Variants in CCDC138 observed in about 807,000 individuals in gnomAD.
CCDC138 encodes the protein coiled-coil domain-containing protein 138.
CCDC138 carries 66 observed loss-of-function variants against 82.3 expected under a neutral mutation model. The ratio of observed to expected loss-of-function variants is 0.80; its 90% CI spans 0.66 to 0.98. The LOEUF (loss-of-function observed/expected upper bound fraction) is 0.98. CCDC138 is among the 50% of genes least tolerant of loss of function. CCDC138 has a pLI of 0.00. For synonymous variants in CCDC138, 297 were observed against 265.4 expected (o/e 1.12, Z -1.16); for missense variants, 816 against 758.9 (o/e 1.08, Z -0.88).
At chr2:108,847,379 G>A (rs536949914) in intron 12 of CCDC138, among the ~76,000 whole-genome samples, 13 of 152,136 alleles carry the variant, frequency 8.5e-5, no homozygotes, top group African/African-American at 2.7e-4. Flanking sequence ...TTGAGTAGTT[G>A]GCAGCAGAGA....
intron 11 of CCDC138, among the ~76,000 whole-genome samples, chr2:108,844,748 A>AT (rs558837577): frequency 0.021 from 2,847 of 136,712 alleles, 43 homozygotes; most frequent in Middle Eastern, 0.035. Context: ...TACTATCCAC[A>AT]TTTTTTTTTT....
chr2:108,831,104 G>C (rs1687512626), intron 10 of CCDC138, among the ~76,000 whole-genome samples: 1 of 151,980 alleles, frequency 6.6e-6, no homozygotes, highest in Non-Finnish European at 1.5e-5. Flanking sequence ...AAACCCCGGA[G>C]GCAGAAGTTT....
In CCDC138 at chr2:108,786,884, G is replaced by C. The variant is rs1347587683; in HGVS notation, c.62G>C (p.Arg21Pro). ...QDLVVESLKSRYGLGGSCPDE... is the reference protein window; with the variant it reads ...QDLVVESLKSPYGLGGSCPDE... The stretch of plus-strand genomic sequence containing the variant: ...TTAGTAGTGGAGAGTCTCAAAAGCC[G>C]CTACGGACTCGGGGGCAGCTGCCCC... The change falls in exon 1 of 15, where the codon CGC becomes CCC. Residue 21 changes from arginine (R) to proline (P), a missense_variant. Coordinates refer to ENST00000295124, the MANE Select transcript of CCDC138 (RefSeq NM_144978.3). 1.9e-6 allele frequency: 3 copies of C among 1,567,712 alleles called. No homozygotes were observed. The highest frequency in any genetic ancestry group is 2.6e-6 in the Non-Finnish European group (3 of 1,159,826).
intron 12 of CCDC138, among the ~76,000 whole-genome samples, chr2:108,850,655 G>A (rs890069842): frequency 6.6e-6 from 1 of 152,058 alleles, no homozygotes; most frequent in East Asian, 1.9e-4. Context: ...GTTTCACCAT[G>A]TTCGCCAGGC....
At chr2:108,827,958 GGTA>G in intron 10 of CCDC138, among the ~76,000 whole-genome samples, 1 of 152,116 alleles carries the variant, frequency 6.6e-6, no homozygotes, top group East Asian at 1.9e-4. Context: ...AGAACATTGT[GGTA>G]GTAGTATAGG....
chr2:108,856,943 A>G lies in CCDC138; in HGVS notation c.1666A>G (p.Ser556Gly). The G allele has an allele frequency of 1.9e-6, 3 of 1,605,080 alleles. No individual in the cohort carries two copies. Among genetic ancestry groups the G allele is most frequent in the Non-Finnish European group, 2.6e-6 (3 of 1,176,262 alleles). Reference protein sequence around the residue: ...SKGLLSNVIDSLLQMTVESKS... With the variant: ...SKGLLSNVIDGLLQMTVESKS... ...AGGACTCCTGTCTAATGTTATTGAT[A>G]GTTTGCTCCAGATGACGGTGGAATC... The change falls in exon 13 of 15, where the codon AGT (serine) becomes GGT (glycine). Residue 556 changes from serine (S) to glycine (G), a missense_variant. Coordinates refer to ENST00000295124, the MANE Select transcript of CCDC138 (RefSeq NM_144978.3).
intron 13 of CCDC138, among the ~76,000 whole-genome samples, chr2:108,872,178 C>G (rs956720972): frequency 2.6e-5 from 4 of 152,136 alleles, no homozygotes; most frequent in African/African-American, 9.7e-5. Flanking sequence ...TCATTGTTGC[C>G]TCGGAGAATT....
At chr2:108,814,930 C>G (rs1684502225) in intron 9 of CCDC138, among the ~76,000 whole-genome samples, 1 of 152,042 alleles carries the variant, frequency 6.6e-6, no homozygotes, top group Admixed American at 6.5e-5. Flanking sequence ...GCCACCACAT[C>G]TGGCCTGCAG....
downstream of CCDC138, among the ~76,000 whole-genome samples, chr2:108,880,997 A>G (rs971694141): frequency 1.4e-4 from 22 of 152,262 alleles, no homozygotes; most frequent in African/African-American, 4.8e-4. Flanking sequence ...GTTGATTCCA[A>G]TACTCACGAA....
At position 108,794,567 on chromosome 2, in the gene CCDC138, C is replaced by T. The variant is rs767526878; in HGVS notation, c.422C>T (p.Ser141Leu). Residue 141 changes from serine to leucine, a missense_variant, in exon 5 of 15, where the codon TCG becomes TTG. Transcript: ENST00000295124. ...GCCTTGCCAACTAATACGACCTCAT[C>T]GAGACCTCGGACTGAGTGTTGTAGT... is the stretch of plus-strand genomic sequence containing the variant. Reference protein sequence around the residue: ...KVALPTNTTSSRPRTECCSDA... With the variant: ...KVALPTNTTSLRPRTECCSDA... 1.1e-5 allele frequency: 17 copies of T among 1,612,294 alleles called. No homozygotes were observed. Among genetic ancestry groups the T allele is most frequent in the South Asian group, 3.3e-5 (3 of 90,802 alleles).
rs756336737 is a variant in CCDC138, at chr2:108,835,261, A to T, written c.1207-3924A>T. Among the ~76,000 whole-genome samples, 96 of 152,246 alleles carry T rather than the reference A, an allele frequency of 6.3e-4. 1 individual carries two copies. Among genetic ancestry groups the T allele is most frequent in the Non-Finnish European group, 1.3e-4 (9 of 68,040 alleles). On this transcript the variant is annotated intron_variant, in intron 10 of 14. Coordinates refer to ENST00000295124, the MANE Select transcript of CCDC138 (RefSeq NM_144978.3). Reference sequence around the variant, plus strand: ...AATTTCAGGTTGACTCTAGTAAGAAAAATGAACAATGTGCAGCAAAAGGTA... The same window carrying T: ...AATTTCAGGTTGACTCTAGTAAGAATAATGAACAATGTGCAGCAAAAGGTA...
intron 13 of CCDC138, among the ~76,000 whole-genome samples, chr2:108,863,824 A>C (rs1477775194): frequency 6.6e-6 from 1 of 152,242 alleles, no homozygotes. Flanking sequence ...ACAGGGACCT[A>C]ATGAACTAAC....
intron 12 of CCDC138, among the ~76,000 whole-genome samples, chr2:108,849,648 A>T (rs2150710070): frequency 6.6e-6 from 1 of 152,262 alleles, no homozygotes; most frequent in East Asian, 1.9e-4. Context: ...CAGGCTCCTC[A>T]GCCTGGTGGC....
At chr2:108,834,023 G>T (rs1191335967) in intron 10 of CCDC138, among the ~76,000 whole-genome samples, 2 of 148,630 alleles carry the variant, frequency 1.3e-5, no homozygotes, top group Admixed American at 6.8e-5. Flanking sequence ...TGGGATTACA[G>T]GCGTGAGCCA....
intron 13 of CCDC138, among the ~76,000 whole-genome samples, chr2:108,872,940 GT>G (rs1695505768): frequency 6.6e-6 from 1 of 152,134 alleles, no homozygotes; most frequent in Non-Finnish European, 1.5e-5. Context: ...TAAATTAAAT[GT>G]GAGAGTAGTC....
chr2:108,863,745 T>C (rs1232847670), intron 13 of CCDC138, among the ~76,000 whole-genome samples: 1 of 152,250 alleles, frequency 6.6e-6, no homozygotes, highest in African/African-American at 2.4e-5. Flanking sequence ...AAGTGATTCA[T>C]TGGCATTCTT....
intron 14 of CCDC138, among the ~76,000 whole-genome samples, chr2:108,874,847 C>G (rs2105298578): frequency 6.6e-6 from 1 of 152,120 alleles, no homozygotes; most frequent in African/African-American, 2.4e-5. Context: ...AGGCCTATTG[C>G]AGTTACCTTA....
Position 108,794,644 on chromosome 2 carries a change from T to C in CCDC138, c.499T>C (p.Ser167Pro), listed in dbSNP as rs1274336788. ...TGTCAGCTGTCCAAAATCTAAAGCA[T>C]CAGACAAGCGGAGTTTACTTCCACA... ...KPVSCPKSKA[S>P]DKRSLLPHQI... Residue 167 changes from serine (S) to proline (P), a missense_variant, in exon 5 of 15, where the codon TCA (serine) becomes CCA (proline). Transcript: ENST00000295124. The C allele has an allele frequency of 7.4e-6, 12 of 1,614,100 alleles. No homozygotes were observed. Among genetic ancestry groups the C allele is most frequent in the Non-Finnish European group, 1.0e-5 (12 of 1,180,000 alleles).
chr2:108,819,262 T>A (rs141225051), intron 10 of CCDC138, among the ~76,000 whole-genome samples: 1 of 152,160 alleles, frequency 6.6e-6, no homozygotes, highest in Non-Finnish European at 1.5e-5. Context: ...GTTTGTGGCA[T>A]TTTGCATGTG....
Sources: allele counts gnomAD v4.1 joint callset (sites outside exome capture counted in the v4.1 genomes callset), GRCh38; gene constraint gnomAD v4.1.1; transcripts MANE v1.5; gene names NCBI Gene and HGNC (gene_info 2026-07-23, HGNC 2026-07-21).